Variants in CLVS2 observed in about 807,000 individuals in gnomAD.
CLVS2 encodes clavesin-2.
Under a neutral mutation model 29.0 loss-of-function variants are expected in CLVS2, and 19 were observed. The observed-to-expected ratio is 0.66, with a 90% CI of 0.46 to 0.96. CLVS2 has a LOEUF of 0.96. Ranked by LOEUF, CLVS2 falls within the 40% of genes least tolerant of loss-of-function variation. The pLI, the probability that CLVS2 is intolerant of heterozygous loss-of-function variation, is 0.00. For synonymous variants in CLVS2, 161 were observed against 151.3 expected (o/e 1.06, Z -0.47); for missense variants, 294 against 404.1 (o/e 0.73, Z 2.34).
At position 123,071,199 on chromosome 6, in the gene CLVS2, T is replaced by G. The variant is rs1317205197; in HGVS notation, c.*7438T>G. 6.6e-6 allele frequency: 1 copy of G among 152,064 alleles called. No individual in the cohort carries two copies. Among genetic ancestry groups the G allele is most frequent in the Non-Finnish European group, 1.5e-5 (1 of 67,950 alleles). The allele number at this position is 152,064 out of a possible 1,614,324, so 9.4% of individuals were successfully genotyped here. On this transcript the variant is annotated 3_prime_UTR_variant, in exon 6 of 6. Transcript: ENST00000275162. ...ACTTAACAAATCCAAAATGATTTCA[T>G]GAGGATCCTAATTTGTTTCAGCAAG...
chr6:123,034,113 G>A (rs1775117485), intron 3 of CLVS2, among the ~76,000 whole-genome samples: 1 of 152,110 alleles, frequency 6.6e-6, no homozygotes, highest in Non-Finnish European at 1.5e-5. Context: ...TTTATTGGTA[G>A]GAATATAAAA....
intron 3 of CLVS2, 137 bp from the exon 4 acceptor site, chr6:123,048,485 T>C: frequency 1.7e-6 from 1 of 578,448 alleles, no homozygotes; most frequent in South Asian, 2.5e-5. Context: ...GTAAGGTTCT[T>C]CTTTTCTCTC....
intron 3 of CLVS2, among the ~76,000 whole-genome samples, chr6:123,028,910 A>C (rs572784353): frequency 6.6e-6 from 1 of 152,240 alleles, no homozygotes; most frequent in East Asian, 1.9e-4. Flanking sequence ...CTACCCCCAA[A>C]TTCATAGGCA....
chr6:123,001,655 T>C (rs1774590809), intron 2 of CLVS2, among the ~76,000 whole-genome samples: 1 of 152,224 alleles, frequency 6.6e-6, no homozygotes, highest in African/African-American at 2.4e-5. Flanking sequence ...GTATTGCATA[T>C]TGTTTTCCTT....
At chr6:123,053,715 G>A (rs1023798480) in intron 4 of CLVS2, among the ~76,000 whole-genome samples, 2 of 152,126 alleles carry the variant, frequency 1.3e-5, no homozygotes, top group African/African-American at 4.8e-5. Flanking sequence ...ATGGAAGTAG[G>A]GCCGAGAGAG....
intron 3 of CLVS2, among the ~76,000 whole-genome samples, chr6:123,038,323 C>G (rs1037506994): frequency 6.6e-6 from 1 of 152,196 alleles, no homozygotes; most frequent in Admixed American, 6.5e-5. Context: ...AGAATATAAA[C>G]TCCTTCAAGG....
At chr6:123,006,287 C>A (rs1456247461) in intron 2 of CLVS2, among the ~76,000 whole-genome samples, 1 of 152,084 alleles carries the variant, frequency 6.6e-6, no homozygotes, top group Non-Finnish European at 1.5e-5. Context: ...ACCTTGACAG[C>A]TGGGGTGAGC....
chr6:123,033,820 C>A (rs1775114237), intron 3 of CLVS2, among the ~76,000 whole-genome samples: 1 of 151,924 alleles, frequency 6.6e-6, no homozygotes, highest in Non-Finnish European at 1.5e-5. Flanking sequence ...ACATATCTGA[C>A]AAAAGACTTT....
intron 3 of CLVS2, among the ~76,000 whole-genome samples, chr6:123,019,869 G>A (rs1774895606): frequency 6.6e-6 from 1 of 152,030 alleles, no homozygotes; most frequent in Non-Finnish European, 1.5e-5. Flanking sequence ...AACCAAAAGA[G>A]CCTATGGTAT....
At chr6:123,032,154 G>A (rs761501455) in intron 3 of CLVS2, among the ~76,000 whole-genome samples, 4 of 151,892 alleles carry the variant, frequency 2.6e-5, no homozygotes, top group African/African-American at 4.8e-5. Context: ...TTTAATTCAC[G>A]TACATTTTCC....
chr6:123,023,815 T>C (rs2114324679), intron 3 of CLVS2, among the ~76,000 whole-genome samples: 1 of 152,260 alleles, frequency 6.6e-6, no homozygotes, highest in Middle Eastern at 3.4e-3. Flanking sequence ...ATTTTAATTT[T>C]GGATAGAATA....
At chr6:123,030,716 T>C (rs918009607) in intron 3 of CLVS2, among the ~76,000 whole-genome samples, 7 of 151,692 alleles carry the variant, frequency 4.6e-5, no homozygotes, top group Non-Finnish European at 7.4e-5. Flanking sequence ...TTTATGTTAA[T>C]ATAGGAGTAG....
At chr6:123,007,497 T>C (rs1038112571) in intron 2 of CLVS2, among the ~76,000 whole-genome samples, 1 of 152,222 alleles carries the variant, frequency 6.6e-6, no homozygotes, top group African/African-American at 2.4e-5. Flanking sequence ...TATCCTACTG[T>C]GCAAGGAAGA....
At chr6:123,024,305 T>C (rs1422135682) in intron 3 of CLVS2, among the ~76,000 whole-genome samples, 1 of 152,172 alleles carries the variant, frequency 6.6e-6, no homozygotes, top group African/African-American at 2.4e-5. Flanking sequence ...AAATCACTGG[T>C]TTATTCCTAG....
At chr6:123,046,068 T>C (rs1298335026) in intron 3 of CLVS2, among the ~76,000 whole-genome samples, 21 of 152,000 alleles carry the variant, frequency 1.4e-4, no homozygotes, top group Admixed American at 1.4e-3. Flanking sequence ...GCGAGGAAGA[T>C]CACAGTGAGG....
intron 2 of CLVS2, among the ~76,000 whole-genome samples, chr6:123,002,586 T>TAAAATAAAATAA (rs1554200614): frequency 6.9e-6 from 1 of 144,162 alleles, no homozygotes; most frequent in Non-Finnish European, 1.5e-5. Flanking sequence ...GTACTAAAAA[T>TAAAATAAAATAA]AATAAAATAA....
intron 4 of CLVS2, among the ~76,000 whole-genome samples, chr6:123,049,814 G>GT (rs886405458): frequency 2.7e-5 from 4 of 150,402 alleles, no homozygotes; most frequent in Non-Finnish European, 5.9e-5. Context: ...TGGGGGGCGG[G>GT]GAGGAATAGC....
intron 3 of CLVS2, among the ~76,000 whole-genome samples, chr6:123,019,353 G>A (rs1774889778): frequency 6.6e-6 from 1 of 152,046 alleles, no homozygotes; most frequent in Non-Finnish European, 1.5e-5. Context: ...TTCTGTGAAA[G>A]GAAGAGTTGA....
intron 2 of CLVS2, among the ~76,000 whole-genome samples, chr6:123,003,235 T>G (rs1774615904): frequency 6.6e-6 from 1 of 152,248 alleles, no homozygotes; most frequent in Non-Finnish European, 1.5e-5. Context: ...CCAAGCTATT[T>G]TCATGTTTCA....
Sources: gnomAD v4.1 joint callset for allele counts (sites outside exome capture counted in the v4.1 genomes callset) on GRCh38, gnomAD v4.1.1 for gene constraint, MANE v1.5 for transcripts, NCBI Gene and HGNC (gene_info 2026-07-23, HGNC 2026-07-21) for gene names.